Variants in ACAN observed in about 807,000 individuals in gnomAD.
The protein encoded by ACAN is aggrecan.
In ACAN, 47 loss-of-function variants were observed where a neutral mutation model predicts 169.1. That is an observed-to-expected ratio of 0.28 (90% CI 0.22 to 0.35). The LOEUF (loss-of-function observed/expected upper bound fraction) is 0.35, where lower values mean the gene tolerates loss of function less well. Among genes scored for constraint, ACAN ranks in the 10% least tolerant of loss-of-function variants. ACAN has a pLI of 1.00. For missense variants in ACAN, 2,716 were observed against 2,759.9 expected, an observed-to-expected ratio of 0.98 and a Z score of 0.36; for synonymous variants, 1,115 against 1,112.2, an observed-to-expected ratio of 1.00 and a Z score of -0.05.
Position 88,868,423 on chromosome 15 carries a change from G to T in ACAN, c.7060+94G>T. 1 of 604,554 alleles carries T rather than the reference G, an allele frequency of 1.7e-6. No individual in the cohort carries two copies. The highest frequency in any genetic ancestry group is 2.9e-5 in the East Asian group (1 of 34,750). The allele number at this position is 604,554 out of a possible 1,614,324, so 37.4% of individuals were successfully genotyped here. On this transcript the variant is annotated intron_variant, in intron 14 of 18. Transcript: ENST00000560601. The surrounding 1 kb of genome is among the most constrained non-coding windows in gnomAD (Gnocchi z 5.2). ...TCCTAACAACAGGCTCCAGGCCCTG[G>T]CTGGGGCCCCCGAGGTTCATCTGGA... is the stretch of plus-strand genomic sequence containing the variant.
At chr15:88,828,976 GCA>G (rs1329785395) in intron 1 of ACAN, among the ~76,000 whole-genome samples, 1 of 152,174 alleles carries the variant, frequency 6.6e-6, no homozygotes, top group Non-Finnish European at 1.5e-5. Context: ...CTCTGTCTTA[GCA>G]CAGAGCTGCT....
rs1161491813 is a variant in ACAN at position 88,874,023 on chromosome 15, C to A, written c.7629C>A (p.Asp2543Glu). ...AGGAGCCTCAGATCACCTGCACAGA[C>A]CGTGAGCATCACCCCGGCCATCTCG... ...HWEEPQITCTDPTTYKRRLQK... is the reference protein window; with the variant it reads ...HWEEPQITCTEPTTYKRRLQK... The change falls in exon 18 of 19, where the codon GAC becomes GAA. Residue 2543 changes from aspartate (D) to glutamate (E), a missense_variant and splice_region_variant. Asp to Glu is a conservative substitution (Grantham distance 45, BLOSUM62 2). This residue lies in a region of ACAN where 1,389 missense variants were observed against 1,363.7 expected (regional missense o/e 1.02). Coordinates refer to ENST00000560601, the MANE Select transcript of ACAN (RefSeq NM_001369268.1). The surrounding 1 kb of genome is among the most constrained non-coding windows in gnomAD (Gnocchi z 7.3). 2 of 1,609,804 alleles carry A rather than the reference C, an allele frequency of 1.2e-6. No individual in the cohort carries two copies. The highest frequency in any genetic ancestry group is 1.7e-6 in the Non-Finnish European group (2 of 1,179,742).
Position 88,855,470 on chromosome 15 carries a change from T to C in ACAN, c.2885T>C (p.Val962Ala), listed in dbSNP as rs1897033958. The change falls in exon 12 of 19, where the codon GTT becomes GCT. Residue 962 changes from valine (V) to alanine (A), a missense_variant. Around this residue, in one of 3 missense-constraint regions of ACAN, gnomAD observed 1,283 missense variants for 1,281.5 expected, o/e 1.00. Transcript: ENST00000560601. ...GDLSGLPSGE[V>A]LETSASGVGD... The stretch of plus-strand genomic sequence containing the variant: ...CTCAGTGGACTTCCTTCTGGAGAAG[T>C]TCTAGAGACCTCTGCCTCTGGAGTA... 1 of 1,613,336 alleles carries C rather than the reference T, an allele frequency of 6.2e-7. No individual in the cohort carries two copies. The highest frequency in any genetic ancestry group is 1.3e-5 in the African/African-American group (1 of 74,878).
At chr15:88,835,388 C>T (rs771992340) in intron 1 of ACAN, among the ~76,000 whole-genome samples, 4 of 151,916 alleles carry the variant, frequency 2.6e-5, no homozygotes, top group Admixed American at 6.6e-5. Flanking sequence ...CACACACATA[C>T]GCACACAGAC....
chr15:88,805,147 C>A (rs1333546883), intron 1 of ACAN, among the ~76,000 whole-genome samples: 1 of 152,212 alleles, frequency 6.6e-6, no homozygotes, highest in African/African-American at 2.4e-5. Flanking sequence ...ATCCTTATCT[C>A]TCTTTCTTGT....
chr15:88,857,222 G>C lies in ACAN; in HGVS notation c.4637G>C (p.Ser1546Thr). The C allele has an allele frequency of 6.2e-7, 1 of 1,613,834 alleles. No homozygotes were observed. The highest frequency in any genetic ancestry group is 8.5e-7 in the Non-Finnish European group (1 of 1,179,856). Residue 1546 changes from serine to threonine, a missense_variant, in exon 12 of 19, where the codon AGT becomes ACT. By Grantham distance (58) the Ser-to-Thr change is moderately conservative. This residue lies in a region of ACAN where 1,389 missense variants were observed against 1,363.7 expected (regional missense o/e 1.02). Coordinates refer to ENST00000560601, the MANE Select transcript of ACAN (RefSeq NM_001369268.1). ...TCTGCCTCTGGATTTGGGGACCTCA[G>C]TGGACTTCCTTCTGGAGGAGAAGGT... Reference protein sequence around the residue: ...EISASGFGDLSGLPSGGEGLE... With the variant: ...EISASGFGDLTGLPSGGEGLE...
In ACAN at chr15:88,871,510, G is replaced by A. The variant is rs150555123; in HGVS notation, c.7189G>A (p.Val2397Ile). The change falls in exon 15 of 19, where the codon GTC becomes ATC. Residue 2397 changes from valine (V) to isoleucine (I), a missense_variant. Transcript: ENST00000560601. This position sits in a 1 kb window ranked among gnomAD's most constrained non-coding sequence, Gnocchi z 7.8. The stretch of plus-strand genomic sequence containing the variant: ...GCAGCAGTCACACCTGAGCAGCATC[G>A]TCACCCCCGAGGAGCAGGAGTTTGT... ...REQQSHLSSIVTPEEQEFVNN... is the reference protein window; with the variant it reads ...REQQSHLSSIITPEEQEFVNN... 1.2e-3 allele frequency: 1,892 copies of A among 1,613,546 alleles called. 1 individual carries two copies. Among genetic ancestry groups the A allele is most frequent in the Non-Finnish European group, 1.4e-3 (1,679 of 1,179,756 alleles).
chr15:88,846,552 T>C (rs920524159), intron 7 of ACAN, among the ~76,000 whole-genome samples: 10 of 152,218 alleles, frequency 6.6e-5, no homozygotes, highest in Admixed American at 6.5e-5. Context: ...CGAGGTTGAA[T>C]ACAGTCAGTC....
rs537868584 is a variant in ACAN at position 88,848,427 on chromosome 15, C to A, written c.1732+389C>A. The stretch of plus-strand genomic sequence containing the variant: ...CTGCAGTAAAAACAAAAACAAAAAA[C>A]CTTTTTAGGCTGGGCACAGTGGCTC... On this transcript the variant is annotated intron_variant, in intron 9 of 18. Coordinates refer to ENST00000560601, the MANE Select transcript of ACAN (RefSeq NM_001369268.1). Among the ~76,000 whole-genome samples, 13 of 150,626 alleles carry A rather than the reference C, an allele frequency of 8.6e-5. 1 individual carries two copies. The South Asian group carries it at 1.4e-3, about 17-fold the overall frequency.
chr15:88,849,942 A>C lies in ACAN; in HGVS notation c.2026+211A>C. 1.4e-6 allele frequency: 1 copy of C among 712,246 alleles called. No homozygotes were observed. Among genetic ancestry groups the C allele is most frequent in the Non-Finnish European group, 2.5e-6 (1 of 406,466 alleles). 44.1% of individuals were successfully genotyped at this position (712,246 alleles called of 1,614,324 possible). On this transcript the variant is annotated intron_variant, in intron 10 of 18. Coordinates refer to ENST00000560601, the MANE Select transcript of ACAN (RefSeq NM_001369268.1). The surrounding 1 kb of genome is among the most constrained non-coding windows in gnomAD (Gnocchi z 5.1). ...TAAAGTTCCCCAGAGACAAGTAGAG[A>C]TAAATAAGAACTTGAGCTGGTATTT... is the stretch of plus-strand genomic sequence containing the variant.
intron 7 of ACAN, among the ~76,000 whole-genome samples, chr15:88,846,156 A>G (rs990452813): frequency 3.3e-5 from 5 of 152,252 alleles, no homozygotes; most frequent in Admixed American, 3.3e-4. Flanking sequence ...ACATAGTTCT[A>G]AGGGAAGTAG....
chr15:88,859,078 C>T lies in ACAN; in HGVS notation c.6493C>T (p.Pro2165Ser). 6.2e-7 allele frequency: 1 copy of T among 1,613,902 alleles called. No individual in the cohort carries two copies. The change falls in exon 12 of 19, where the codon CCA becomes TCA. Residue 2165 changes from proline (P) to serine (S), a missense_variant. By Grantham distance (74) the Pro-to-Ser change is moderately conservative (BLOSUM62 -1). Transcript: ENST00000560601. ...TCAAGAAGGCGAGGCGTCCGCTGCCCCAGAAGTGAGTGGAGAATCCACCAC... is the reference window on the plus strand; with the variant it reads ...TCAAGAAGGCGAGGCGTCCGCTGCCTCAGAAGTGAGTGGAGAATCCACCAC... Reference protein sequence around the residue: ...TFQEGEASAAPEVSGESTTTS... With the variant: ...TFQEGEASAASEVSGESTTTS...
Position 88,872,155 on chromosome 15 carries a change from A to T in ACAN, c.7302+70A>T, listed in dbSNP as rs1897396506. On this transcript the variant is annotated intron_variant, in intron 16 of 18. Coordinates refer to ENST00000560601, the MANE Select transcript of ACAN (RefSeq NM_001369268.1). This position sits in a 1 kb window ranked among gnomAD's most constrained non-coding sequence, Gnocchi z 5.4. ...GTGGGATAGAGACCCCTGGAGAGAGATGCATTCAAACCCCATGCAGACAGC... is the reference window on the plus strand; with the variant it reads ...GTGGGATAGAGACCCCTGGAGAGAGTTGCATTCAAACCCCATGCAGACAGC... The T allele has an allele frequency of 2.2e-6, 3 of 1,360,060 alleles. No individual in the cohort carries two copies. The highest frequency in any genetic ancestry group is 1.4e-5 in the African/African-American group (1 of 70,122). 84.2% of individuals were successfully genotyped at this position (1,360,060 alleles called of 1,614,324 possible).
intron 1 of ACAN, among the ~76,000 whole-genome samples, chr15:88,812,953 G>A (rs767326219): frequency 9.9e-5 from 15 of 152,130 alleles, no homozygotes; most frequent in Non-Finnish European, 2.2e-4. Flanking sequence ...GCCTTCCAAG[G>A]CCAGCAACAG....
intron 1 of ACAN, among the ~76,000 whole-genome samples, chr15:88,828,170 A>C (rs1896271404): frequency 6.6e-6 from 1 of 152,084 alleles, no homozygotes; most frequent in Non-Finnish European, 1.5e-5. Flanking sequence ...GGCCTCAAGG[A>C]AGGTGGGAAT....
Position 88,874,444 on chromosome 15 carries a change from G to A in ACAN, c.7670G>A (p.Arg2557Gln), listed in dbSNP as rs377398069. Reference protein sequence around the residue: ...YKRRLQKRSSRHPRRSRPSTA... With the variant: ...YKRRLQKRSSQHPRRSRPSTA... ...CGCAGACTACAGAAGCGGAGCTCACGGCACCCTCGGAGGAGCCGCCCCAGC... is the reference window on the plus strand; with the variant it reads ...CGCAGACTACAGAAGCGGAGCTCACAGCACCCTCGGAGGAGCCGCCCCAGC... Residue 2557 changes from arginine to glutamine, a missense_variant, in exon 19 of 19, where the codon CGG becomes CAG. Transcript: ENST00000560601. The surrounding 1 kb of genome is among the most constrained non-coding windows in gnomAD (Gnocchi z 7.3). 47 of 1,606,948 alleles carry A rather than the reference G, an allele frequency of 2.9e-5. No homozygotes were observed. The highest frequency in any genetic ancestry group is 3.6e-5 in the Non-Finnish European group (42 of 1,177,280).
At chr15:88,837,771 C>A in intron 2 of ACAN, among the ~76,000 whole-genome samples, 1 of 152,142 alleles carries the variant, frequency 6.6e-6, no homozygotes. Flanking sequence ...CGCTCCCCTC[C>A]CCTTGCCCTG....
intron 5 of ACAN, among the ~76,000 whole-genome samples, chr15:88,842,756 G>C (rs1425018005): frequency 6.6e-6 from 1 of 152,206 alleles, no homozygotes; most frequent in Admixed American, 6.5e-5. Flanking sequence ...AGCAGGGGTA[G>C]CCAGAACCAC....
At chr15:88,824,963 T>C (rs1896175507) in intron 1 of ACAN, among the ~76,000 whole-genome samples, 1 of 150,906 alleles carries the variant, frequency 6.6e-6, no homozygotes, top group South Asian at 2.1e-4. Context: ...AGCAGGGTGG[T>C]CAAGGAAGGG....
Sources: gnomAD v4.1 joint callset for allele counts (sites outside exome capture counted in the v4.1 genomes callset) on GRCh38, gnomAD v4.1.1 for gene constraint, gnomAD v4.1.1 regional missense constraint, Gnocchi (gnomAD v3.1) non-coding constraint, MANE v1.5 for transcripts, NCBI Gene and HGNC (gene_info 2026-07-23, HGNC 2026-07-21) for gene names.